CSMD1: variants seen among roughly 807,000 people sequenced by gnomAD.
The protein encoded by CSMD1 is CUB and sushi domain-containing protein 1.
Under a neutral mutation model 417.5 loss-of-function variants are expected in CSMD1, and 213 were observed. The observed-to-expected ratio is 0.51, with a 90% CI of 0.46 to 0.57. The LOEUF (loss-of-function observed/expected upper bound fraction) is 0.57, where lower values mean the gene tolerates loss of function less well. Among genes scored for constraint, CSMD1 ranks in the 20% least tolerant of loss-of-function variants. The pLI, the probability that CSMD1 is intolerant of heterozygous loss-of-function variation, is 0.00. For missense variants in CSMD1, 6,923 were observed against 4,529.7 expected, an observed-to-expected ratio of 1.53 and a Z score of -15.17; for synonymous variants, 2,862 against 1,736.8, an observed-to-expected ratio of 1.65 and a Z score of -16.11.
chr8:4,305,040 C>A (rs1428418890), intron 3 of CSMD1, among the ~76,000 whole-genome samples: 2 of 152,140 alleles, frequency 1.3e-5, no homozygotes, highest in Admixed American at 6.5e-5. Context: ...CGTTAGAGTC[C>A]CTTTTCAACA....
chr8:4,508,285 G>T (rs1232760489), intron 2 of CSMD1, among the ~76,000 whole-genome samples: 3 of 151,452 alleles, frequency 2.0e-5, no homozygotes, highest in Admixed American at 2.0e-4. Context: ...TAGATGCATT[G>T]GAGTGATATA....
chr8:4,819,954 A>C (rs1799427635), intron 1 of CSMD1, among the ~76,000 whole-genome samples: 1 of 152,156 alleles, frequency 6.6e-6, no homozygotes, highest in African/African-American at 2.4e-5. Flanking sequence ...TCTACTTATC[A>C]ATCAACTAAT....
At chr8:3,607,800 C>A (rs1190153002) in intron 8 of CSMD1, among the ~76,000 whole-genome samples, 2 of 152,160 alleles carry the variant, frequency 1.3e-5, no homozygotes, top group African/African-American at 4.8e-5. Context: ...TGGAAAGACT[C>A]AAATGAGAAG....
chr8:3,097,853 G>C (rs1255125746), intron 46 of CSMD1, among the ~76,000 whole-genome samples: 4 of 152,134 alleles, frequency 2.6e-5, no homozygotes, highest in Non-Finnish European at 5.9e-5. Flanking sequence ...TAGAGACCTG[G>C]TCTCAATCCC....
chr8:3,254,992 C>G (rs1312450576), intron 26 of CSMD1, among the ~76,000 whole-genome samples: 1 of 152,084 alleles, frequency 6.6e-6, no homozygotes, highest in African/African-American at 2.4e-5. Flanking sequence ...TTTTCCCCAT[C>G]TTTGTGGTTT....
intron 1 of CSMD1, among the ~76,000 whole-genome samples, chr8:4,912,582 C>A (rs1805766114): frequency 6.6e-6 from 1 of 152,158 alleles, no homozygotes. Flanking sequence ...AATGAACACT[C>A]TCAAAAGCCT....
At chr8:3,136,893 A>T (rs144912155) in intron 41 of CSMD1, among the ~76,000 whole-genome samples, 10 of 148,822 alleles carry the variant, frequency 6.7e-5, no homozygotes, top group Non-Finnish European at 1.4e-4. Flanking sequence ...AATTGGCTAA[A>T]TTTTTTTAAA....
At chr8:4,504,692 C>T (rs537655050) in intron 2 of CSMD1, among the ~76,000 whole-genome samples, 105 of 152,208 alleles carry the variant, frequency 6.9e-4, no homozygotes, top group Non-Finnish European at 1.2e-3. Flanking sequence ...TCCATGTGTT[C>T]TCATTGTTCA....
intron 1 of CSMD1, among the ~76,000 whole-genome samples, chr8:4,852,763 G>A (rs1293151660): frequency 6.6e-6 from 1 of 152,152 alleles, no homozygotes. Context: ...TGATAGAAAT[G>A]TGGACAGTGA....
intron 3 of CSMD1, among the ~76,000 whole-genome samples, chr8:4,345,777 A>G (rs1800744092): frequency 6.6e-6 from 1 of 152,110 alleles, no homozygotes; most frequent in African/African-American, 2.4e-5. Flanking sequence ...CCCCGTTAAA[A>G]TGCTAATTCT....
intron 5 of CSMD1, among the ~76,000 whole-genome samples, chr8:3,965,618 AT>A (rs1812631975): frequency 6.6e-6 from 1 of 151,808 alleles, no homozygotes; most frequent in South Asian, 2.1e-4. Context: ...CTTTTTATTT[AT>A]TTATTTATTT....
chr8:4,740,793 A>C (rs929029013), intron 1 of CSMD1, among the ~76,000 whole-genome samples: 2 of 152,190 alleles, frequency 1.3e-5, no homozygotes, highest in Non-Finnish European at 2.9e-5. Flanking sequence ...ATATTTTCAA[A>C]GCACAGGTAT....
At chr8:3,091,712 C>A (rs1382501500) in intron 47 of CSMD1, 50 bp from the exon 48 acceptor site, 1 of 1,538,742 alleles carries the variant, frequency 6.5e-7, no homozygotes, top group Non-Finnish European at 8.8e-7. Context: ...GAGCACCTAC[C>A]AAATGCATAC....
rs1451174015 is a variant in CSMD1 at position 3,963,791 on chromosome 8, C to T, written c.818+34112G>A. 5.3e-5 allele frequency among the ~76,000 whole-genome samples: 8 copies of T among 152,058 alleles called. No homozygotes were observed. In the East Asian group the frequency reaches 1.3e-3, roughly 26 times the overall value. ...TATATGTATAGCAACCTAAGTCAGA[C>T]AGAAACTTAATATTTTGAAATAAAA... is the stretch of plus-strand genomic sequence containing the variant. On this transcript the variant is annotated intron_variant, in intron 5 of 69. Coordinates refer to ENST00000635120, the MANE Select transcript of CSMD1 (RefSeq NM_033225.6).
At chr8:3,270,122 C>T (rs1801732304) in intron 26 of CSMD1, among the ~76,000 whole-genome samples, 1 of 128,396 alleles carries the variant, frequency 7.8e-6, no homozygotes, top group African/African-American at 3.0e-5. Context: ...CTGTCTTGGC[C>T]CACTGCAACC....
intron 50 of CSMD1, among the ~76,000 whole-genome samples, chr8:3,049,781 T>C (rs967114661): frequency 2.0e-5 from 3 of 152,098 alleles, no homozygotes; most frequent in Non-Finnish European, 4.4e-5. Flanking sequence ...GTGATGATGG[T>C]ATGTCAATGT....
At chr8:3,660,396 G>A (rs192514943) in intron 7 of CSMD1, among the ~76,000 whole-genome samples, 5 of 150,958 alleles carry the variant, frequency 3.3e-5, no homozygotes, top group Non-Finnish European at 1.5e-5. Context: ...ATCCACGTAT[G>A]TTGGCATTTC....
Position 3,300,958 on chromosome 8 carries a change from CAAAAA to C in CSMD1, c.3950+6732_3950+6736del, listed in dbSNP as rs374180480. 2.7e-3 allele frequency among the ~76,000 whole-genome samples: 138 copies of C among 50,600 alleles called. No individual in the cohort carries two copies. The South Asian group carries it at 0.03, about 11-fold the overall frequency. The allele number at this position is 50,600 out of a possible 152,430, so 33.2% of individuals were successfully genotyped here. A position where few individuals can be genotyped will look rare whatever the true frequency, so the allele number is the denominator to read the frequency against. ...TGGACAACAGAGTGAGACTCTGTCT[CAAAAA>C]AAAAAAAAAAAAAAAAAAGAGAAAG... On this transcript the variant is annotated intron_variant, in intron 25 of 69. Coordinates refer to ENST00000635120, the MANE Select transcript of CSMD1 (RefSeq NM_033225.6).
chr8:3,320,782 C>G (rs545249126), intron 23 of CSMD1, among the ~76,000 whole-genome samples: 31 of 152,298 alleles, frequency 2.0e-4, no homozygotes, highest in Admixed American at 1.3e-3. Context: ...TGGGCTTATT[C>G]CTGAGGCATT....
Sources: gnomAD v4.1 joint callset for allele counts (sites outside exome capture counted in the v4.1 genomes callset) on GRCh38, gnomAD v4.1.1 for gene constraint, MANE v1.5 for transcripts, NCBI Gene and HGNC (gene_info 2026-07-23, HGNC 2026-07-21) for gene names.